Variants in NGRN observed in about 807,000 individuals in gnomAD.
NGRN encodes neugrin, neurite outgrowth associated, also known as neugrin.
NGRN carries 12 observed loss-of-function variants against 13.1 expected under a neutral mutation model. The ratio of observed to expected loss-of-function variants is 0.92; its 90% CI spans 0.59 to 1.49. The LOEUF (loss-of-function observed/expected upper bound fraction) is 1.49. Ranked by LOEUF, NGRN falls within the 40% of genes most tolerant of loss-of-function variation. NGRN has a pLI of 0.00. For missense variants in NGRN, 397 were observed against 357.0 expected, an observed-to-expected ratio of 1.11 and a Z score of -0.90; for synonymous variants, 149 against 145.8, an observed-to-expected ratio of 1.02 and a Z score of -0.16.
chr15:90,271,114 C>G (rs543761089), intron 2 of NGRN, 74 bp from the exon 3 acceptor site: 1 of 1,520,976 alleles, frequency 6.6e-7, no homozygotes, highest in Non-Finnish European at 8.9e-7. Flanking sequence ...TCTTCTTTAT[C>G]ATAGGTATTG....
chr15:90,271,404 TGCAG>T lies in NGRN; in HGVS notation c.495_498del (p.Gly166ThrfsTer25). On this transcript the variant is annotated frameshift_variant, in exon 3 of 3. Transcript: ENST00000379095. LOFTEE classifies it low-confidence loss of function (END_TRUNC). ...CTGGAAATACCTCAAAGCTGCTCCC[TGCAG>T]GCCACTCTGTATCAGGCTCTTTGCT... 1 of 1,614,024 alleles carries T rather than the reference TGCAG, an allele frequency of 6.2e-7. No homozygotes were observed. The highest frequency in any genetic ancestry group is 8.5e-7 in the Non-Finnish European group (1 of 1,179,994).
At chr15:90,268,989 TCTC>T (rs1230977669) in intron 2 of NGRN, among the ~76,000 whole-genome samples, 2 of 85,638 alleles carry the variant, frequency 2.3e-5, no homozygotes, top group African/African-American at 4.4e-5. Context: ...ACACTGATTC[TCTC>T]TTTTTTTTTT....
rs915457880 is a variant in NGRN, at chr15:90,265,801, C to T, written c.89C>T (p.Pro30Leu). The T allele has an allele frequency of 1.2e-6, 2 of 1,612,086 alleles. No individual in the cohort carries two copies. Among genetic ancestry groups the T allele is most frequent in the Non-Finnish European group, 1.7e-6 (2 of 1,179,316 alleles). The change falls in exon 1 of 3, where the codon CCA becomes CTA. Residue 30 changes from proline (P) to leucine (L), a missense_variant. Coordinates refer to ENST00000379095, the MANE Select transcript of NGRN (RefSeq NM_001033088.3). ...CGFATRGVAG[P>L]GPIGREPDPD... Reference sequence around the variant, plus strand: ...TTCGCGACCCGGGGGGTGGCGGGCCCAGGCCCTATTGGCCGGGAGCCGGAC... The same window carrying T: ...TTCGCGACCCGGGGGGTGGCGGGCCTAGGCCCTATTGGCCGGGAGCCGGAC...
In NGRN at chr15:90,271,931, C is replaced by G; in HGVS notation, c.*143C>G. On this transcript the variant is annotated 3_prime_UTR_variant, in exon 3 of 3. Coordinates refer to ENST00000379095, the MANE Select transcript of NGRN (RefSeq NM_001033088.3). ...GAGCCTGGACTGTGGGAGGAAAGAG[C>G]TGCGTGGATAGATTCAAACTTCCTG... is the stretch of plus-strand genomic sequence containing the variant. 1 of 1,138,102 alleles carries G rather than the reference C, an allele frequency of 8.8e-7. No individual in the cohort carries two copies. The highest frequency in any genetic ancestry group is 2.4e-5 in the East Asian group (1 of 41,034). The allele number at this position is 1,138,102 out of a possible 1,614,324, so 70.5% of individuals were successfully genotyped here. A position where few individuals can be genotyped will look rare whatever the true frequency, so the allele number is the denominator to read the frequency against.
intron 1 of NGRN, 41 bp from the exon 2 acceptor site, chr15:90,266,247 G>A (rs754738029): frequency 6.3e-7 from 1 of 1,591,082 alleles, no homozygotes; most frequent in South Asian, 1.1e-5. Context: ...CATCCATTCT[G>A]CTTCCACGCA....
intron 1 of NGRN, 62 bp downstream of exon 1, chr15:90,265,938 C>T: frequency 2.8e-6 from 4 of 1,432,732 alleles, no homozygotes; most frequent in Non-Finnish European, 3.6e-6. Flanking sequence ...CGCTCCAGGC[C>T]GCGCCCCCTT....
At chr15:90,266,083 T>C in intron 1 of NGRN, 1 of 1,433,228 alleles carries the variant, frequency 7.0e-7, no homozygotes. Flanking sequence ...ATCATCAGTT[T>C]AGAGAGTTCG....
rs1963443160 is a variant in NGRN at position 90,267,435 on chromosome 15, AT to A, written c.275+1044del. Among the ~76,000 whole-genome samples the A allele has an allele frequency of 2.6e-5, 4 of 152,050 alleles. No individual in the cohort carries two copies. The South Asian group carries it at 8.3e-4, about 32-fold the overall frequency. On this transcript the variant is annotated intron_variant, in intron 2 of 2. Coordinates refer to ENST00000379095, the MANE Select transcript of NGRN (RefSeq NM_001033088.3). ...CTTTTTTTATAGATGGTGTTATTATATTTTTTTGAGGCAGTATATGAGGCAG... is the reference window on the plus strand; with the variant it reads ...CTTTTTTTATAGATGGTGTTATTATATTTTTTGAGGCAGTATATGAGGCAG...
chr15:90,271,395 G>A lies in NGRN; in HGVS notation c.483G>A (p.Lys161=), dbSNP rs11547106. The change falls in exon 3 of 3, where the codon AAG becomes AAA. Residue 161 remains lysine (K), a synonymous_variant. Coordinates refer to ENST00000379095, the MANE Select transcript of NGRN (RefSeq NM_001033088.3). ...QHLRGSGNTS[K]LLPAGHSVSG... ...TCCGGGGCTCTGGAAATACCTCAAA[G>A]CTGCTCCCTGCAGGCCACTCTGTAT... 2.5e-6 allele frequency: 4 copies of A among 1,613,888 alleles called. No individual in the cohort carries two copies. Among genetic ancestry groups the A allele is most frequent in the Non-Finnish European group, 3.4e-6 (4 of 1,180,008 alleles).
intron 1 of NGRN, 68 bp downstream of exon 1, chr15:90,265,944 C>G: frequency 5.6e-6 from 8 of 1,431,338 alleles, no homozygotes; most frequent in Non-Finnish European, 7.3e-6. Flanking sequence ...AGGCCGCGCC[C>G]CCTTGGCGCC....
At chr15:90,266,203 G>T in intron 1 of NGRN, 85 bp from the exon 2 acceptor site, 1 of 1,521,196 alleles carries the variant, frequency 6.6e-7, no homozygotes, top group Non-Finnish European at 8.8e-7. Context: ...GAAGAGGGCT[G>T]GGCGCTCCAT....
At chr15:90,270,359 A>G (rs1277734482) in intron 2 of NGRN, among the ~76,000 whole-genome samples, 1 of 152,162 alleles carries the variant, frequency 6.6e-6, no homozygotes, top group Admixed American at 6.5e-5. Flanking sequence ...TTTACATTTC[A>G]CAAGCTCTTC....
rs750690460 is a variant in NGRN, at chr15:90,271,672, A to G, written c.760A>G (p.Ser254Gly). 11 of 1,614,214 alleles carry G rather than the reference A, an allele frequency of 6.8e-6. No homozygotes were observed. Among genetic ancestry groups the G allele is most frequent in the South Asian group, 5.5e-5 (5 of 91,088 alleles). ...AGGAACTGGCAGTGGTGCGTTGCCA[A>G]GTGGTCAGAAGCTGGAGGAGTTGAA... ...PRGTGSGALP[S>G]GQKLEELKAE... The change falls in exon 3 of 3, where the codon AGT becomes GGT. Residue 254 changes from serine (S) to glycine (G), a missense_variant. Ser to Gly is a moderately conservative substitution (Grantham distance 56, BLOSUM62 0). Coordinates refer to ENST00000379095, the MANE Select transcript of NGRN (RefSeq NM_001033088.3).
chr15:90,266,142 C>T, intron 1 of NGRN, 146 bp from the exon 2 acceptor site: 2 of 1,453,558 alleles, frequency 1.4e-6, no homozygotes. Flanking sequence ...TCTGGGTGTA[C>T]GGAGCAGCTC....
Position 90,266,355 on chromosome 15 carries a change from G to T in NGRN, c.232G>T (p.Ala78Ser), listed in dbSNP as rs1963420331. ...KIRRQMEAPGAPPRTLTWEAM... is the reference protein window; with the variant it reads ...KIRRQMEAPGSPPRTLTWEAM... ...TCGGAGGCAAATGGAGGCGCCTGGT[G>T]CCCCGCCCAGGACCCTGACGTGGGA... The change falls in exon 2 of 3, where the codon GCC becomes TCC. Residue 78 changes from alanine to serine, a missense_variant. Coordinates refer to ENST00000379095, the MANE Select transcript of NGRN (RefSeq NM_001033088.3). 1 of 1,613,942 alleles carries T rather than the reference G, an allele frequency of 6.2e-7. No individual in the cohort carries two copies. The highest frequency in any genetic ancestry group is 2.2e-5 in the East Asian group (1 of 44,876).
intron 2 of NGRN, among the ~76,000 whole-genome samples, chr15:90,269,790 C>G (rs1310937217): frequency 6.6e-6 from 1 of 152,172 alleles, no homozygotes; most frequent in African/African-American, 2.4e-5. Context: ...TCGTTGTTCC[C>G]TGACAACTTC....
At chr15:90,271,164 C>T in intron 2 of NGRN, 24 bp from the exon 3 acceptor site, 3 of 1,594,878 alleles carry the variant, frequency 1.9e-6, no homozygotes, top group Non-Finnish European at 2.6e-6. Context: ...TCACAACTTG[C>T]AAACCTGCTC....
At chr15:90,266,109 G>T (rs929251756) in intron 1 of NGRN, 179 bp from the exon 2 acceptor site, 23 of 1,439,716 alleles carry the variant, frequency 1.6e-5, no homozygotes, top group Non-Finnish European at 2.1e-5. Flanking sequence ...CTTACAGGCA[G>T]TTATTGTTCT....
rs1174059583 is a variant in NGRN, at chr15:90,266,240, C to G, written c.165-48C>G. ...ATTTAGCCTGAGGCTCTTCAAACAT[C>G]CATTCTGCTTCCACGCATGGCTTCT... On this transcript the variant is annotated intron_variant, in intron 1 of 2. Coordinates refer to ENST00000379095, the MANE Select transcript of NGRN (RefSeq NM_001033088.3). 1.9e-6 allele frequency: 3 copies of G among 1,581,140 alleles called. No homozygotes were observed. The African/African-American group carries it at 4.0e-5, about 21-fold the overall frequency.
Sources: gnomAD v4.1 joint callset for allele counts (sites outside exome capture counted in the v4.1 genomes callset) on GRCh38, gnomAD v4.1.1 for gene constraint, MANE v1.5 for transcripts, NCBI Gene and HGNC (gene_info 2026-07-23, HGNC 2026-07-21) for gene names.